Variants in CACNA2D3 observed in about 807,000 individuals in gnomAD.
CACNA2D3 encodes the protein calcium voltage-gated channel auxiliary subunit alpha2delta 3.
In CACNA2D3, 60 loss-of-function variants were observed where a neutral mutation model predicts 160.6. The observed-to-expected ratio is 0.37, with a 90% confidence interval of 0.30 to 0.46. The LOEUF is 0.46. Ranked by LOEUF, CACNA2D3 falls within the 20% of genes least tolerant of loss-of-function variation. The probability of loss-of-function intolerance (pLI) is 1.00; values close to 1 mark genes in which losing one functional copy is unlikely to be tolerated. For synonymous variants in CACNA2D3, 558 were observed against 492.9 expected, an observed-to-expected ratio of 1.13 and a Z score of -1.75; for missense variants, 1,205 against 1,365.0, an observed-to-expected ratio of 0.88 and a Z score of 1.85.
At chr3:54,620,244 C>T (rs1460456047) in intron 9 of CACNA2D3, among the ~76,000 whole-genome samples, 3 of 152,162 alleles carry the variant, frequency 2.0e-5, no homozygotes, top group Non-Finnish European at 4.4e-5. Context: ...AATCCTGTGT[C>T]TGTTTACTGA....
chr3:54,739,734 G>T (rs1325527282), intron 11 of CACNA2D3, among the ~76,000 whole-genome samples: 1 of 147,580 alleles, frequency 6.8e-6, no homozygotes, highest in Non-Finnish European at 1.5e-5. Context: ...TGGAATGACA[G>T]GCCCTTCTCC....
chr3:54,626,449 C>G, intron 9 of CACNA2D3: 35 of 1,596,656 alleles, frequency 2.2e-5, no homozygotes, highest in Non-Finnish European at 3.0e-5. Flanking sequence ...GAAGACGCAC[C>G]TGCGTGACGT....
rs148545154 is a variant in CACNA2D3 at position 54,802,609 on chromosome 3, T to A, written c.1381-14244T>A. On this transcript the variant is annotated intron_variant, in intron 13 of 37. Transcript: ENST00000474759. ...ACCCAGCTGCAAGTTTCTATGAAAA[T>A]AGTAGTCCTCTGGGGGCAGGGCACA... 5.5e-4 allele frequency among the ~76,000 whole-genome samples: 83 copies of A among 152,184 alleles called. No individual in the cohort carries two copies. In the East Asian group the frequency reaches 0.015, roughly 28 times the overall value.
intron 2 of CACNA2D3, among the ~76,000 whole-genome samples, chr3:54,234,558 C>T (rs1296906034): frequency 1.1e-4 from 17 of 152,086 alleles, no homozygotes; most frequent in Admixed American, 1.0e-3. Context: ...CACATGCATG[C>T]AAATGTTCAT....
intron 2 of CACNA2D3, among the ~76,000 whole-genome samples, chr3:54,135,597 G>A (rs1699800188): frequency 6.6e-6 from 1 of 152,228 alleles, no homozygotes; most frequent in Non-Finnish European, 1.5e-5. Context: ...TGAATATTGT[G>A]TTGTGAGGCT....
chr3:54,520,328 T>G (rs1701626298), intron 5 of CACNA2D3, among the ~76,000 whole-genome samples: 1 of 152,196 alleles, frequency 6.6e-6, no homozygotes, highest in Admixed American at 6.5e-5. Flanking sequence ...AGTGGGAGGC[T>G]GGCTTTAGTG....
At chr3:54,856,296 G>A (rs978378903) in intron 17 of CACNA2D3, among the ~76,000 whole-genome samples, 4 of 152,208 alleles carry the variant, frequency 2.6e-5, no homozygotes, top group African/African-American at 9.6e-5. Flanking sequence ...GCTGTGCACT[G>A]GGTAGCTAGG....
chr3:54,438,622 A>G (rs1700094543), intron 4 of CACNA2D3, among the ~76,000 whole-genome samples: 3 of 152,220 alleles, frequency 2.0e-5, no homozygotes, highest in Admixed American at 6.5e-5. Flanking sequence ...TTTTGTAGCT[A>G]GGGCATTTAG....
chr3:54,716,966 A>G (rs1182612954), intron 11 of CACNA2D3, among the ~76,000 whole-genome samples: 3 of 151,882 alleles, frequency 2.0e-5, no homozygotes, highest in African/African-American at 4.8e-5. Context: ...GTCAAGACAG[A>G]ACCTGCCAGG....
At chr3:54,353,717 A>AG (rs1445545369) in intron 3 of CACNA2D3, among the ~76,000 whole-genome samples, 1 of 152,132 alleles carries the variant, frequency 6.6e-6, no homozygotes, top group Non-Finnish European at 1.5e-5. Flanking sequence ...GCTTTAGGGA[A>AG]GGCAGTAGAT....
At position 54,131,479 on chromosome 3, in the gene CACNA2D3, G is replaced by A. The variant is rs535256914; in HGVS notation, c.204+7885G>A. Among the ~76,000 whole-genome samples, 5 of 152,332 alleles carry A rather than the reference G, an allele frequency of 3.3e-5. No homozygotes were observed. In the East Asian group the frequency reaches 9.6e-4, roughly 29 times the overall value. ...GCCATTTCCCTTGCTGTGGGAGCTT[G>A]TTCAGAAGCCAGCTGCAGATAACCT... On this transcript the variant is annotated intron_variant, in intron 2 of 37. Coordinates refer to ENST00000474759, the MANE Select transcript of CACNA2D3 (RefSeq NM_018398.3).
chr3:54,573,555 T>G (rs1702533469), intron 8 of CACNA2D3, among the ~76,000 whole-genome samples: 1 of 152,246 alleles, frequency 6.6e-6, no homozygotes, highest in African/African-American at 2.4e-5. Flanking sequence ...CCATCACATT[T>G]GTTACTCAGA....
At chr3:54,356,913 A>G (rs1449439475) in intron 3 of CACNA2D3, among the ~76,000 whole-genome samples, 2 of 151,964 alleles carry the variant, frequency 1.3e-5, no homozygotes, top group Non-Finnish European at 2.9e-5. Context: ...GTTTTCTGGC[A>G]GGGAAAATTC....
chr3:54,918,711 G>A (rs138987647), intron 27 of CACNA2D3: 43 of 1,614,006 alleles, frequency 2.7e-5, no homozygotes, highest in South Asian at 5.5e-5. Context: ...GCTCCCCCGC[G>A]TTGTGGTTCT....
intron 27 of CACNA2D3, among the ~76,000 whole-genome samples, chr3:54,951,081 A>G (rs1701745056): frequency 6.6e-6 from 1 of 152,254 alleles, no homozygotes; most frequent in South Asian, 2.1e-4. Flanking sequence ...TGCTGCCAAA[A>G]AAATCTACAG....
At chr3:54,933,339 C>G (rs1177646249) in intron 27 of CACNA2D3, among the ~76,000 whole-genome samples, 1 of 152,200 alleles carries the variant, frequency 6.6e-6, no homozygotes, top group South Asian at 2.1e-4. Context: ...TTTCTCTTAT[C>G]ACAGTCTAGT....
In CACNA2D3 at chr3:54,626,163, C is replaced by T. The variant is rs1031644311; in HGVS notation, c.964-1624C>T. On this transcript the variant is annotated intron_variant, in intron 9 of 37. Transcript: ENST00000474759. ...AATAGAAAAAGCAAGGGGAGTCTCA[C>T]GATAACTGCGCAGGCGCGGACCAGA... 4.7e-5 allele frequency: 32 copies of T among 679,208 alleles called. No individual in the cohort carries two copies. In the African/African-American group the frequency reaches 5.0e-4, roughly 11 times the overall value. 42.1% of individuals were successfully genotyped at this position (679,208 alleles called of 1,614,324 possible).
chr3:54,911,957 A>C (rs987140218), intron 27 of CACNA2D3, among the ~76,000 whole-genome samples: 1 of 152,206 alleles, frequency 6.6e-6, no homozygotes, highest in African/African-American at 2.4e-5. Context: ...CTCTGGGTGC[A>C]GCTTAGCTGA....
At chr3:54,126,946 A>G (rs1699605784) in intron 2 of CACNA2D3, among the ~76,000 whole-genome samples, 1 of 152,158 alleles carries the variant, frequency 6.6e-6, no homozygotes, top group African/African-American at 2.4e-5. Flanking sequence ...TAGTTTCATT[A>G]CCGCTGTATT....
Sources: gnomAD v4.1 joint callset for allele counts (sites outside exome capture counted in the v4.1 genomes callset) on GRCh38, gnomAD v4.1.1 for gene constraint, MANE v1.5 for transcripts, NCBI Gene and HGNC (gene_info 2026-07-23, HGNC 2026-07-21) for gene names.